HSP90AA1: variants seen among roughly 807,000 people sequenced by gnomAD.
HSP90AA1 encodes heat shock protein HSP 90-alpha.
In HSP90AA1, 18 loss-of-function variants were observed where a neutral mutation model predicts 73.3. That is an observed-to-expected ratio of 0.25 (90% confidence interval 0.17 to 0.36). The LOEUF (loss-of-function observed/expected upper bound fraction) is 0.36, where lower values mean the gene tolerates loss of function less well. Ranked by LOEUF, HSP90AA1 falls within the 10% of genes least tolerant of loss-of-function variation. The pLI, the probability that HSP90AA1 is intolerant of heterozygous loss-of-function variation, is 1.00. For missense variants in HSP90AA1, 704 were observed against 874.2 expected, an observed-to-expected ratio of 0.81 and a Z score of 2.45; for synonymous variants, 477 against 296.9, an observed-to-expected ratio of 1.61 and a Z score of -6.24.
chr14:102,085,484 G>A (rs1161208911), intron 3 of HSP90AA1, 53 bp from the exon 4 acceptor site: 10 of 1,508,894 alleles, frequency 6.6e-6, no homozygotes, highest in South Asian at 1.1e-5. Flanking sequence ...AGTGCTCAAC[G>A]CCATGCCTAA....
Position 102,084,396 on chromosome 14 carries a change from T to C in HSP90AA1, c.1147+3A>G, listed in dbSNP as rs118043158. The C allele has an allele frequency of 2.4e-3, 3,833 of 1,611,144 alleles. 5 individuals carry two copies. Among genetic ancestry groups the C allele is most frequent in the Non-Finnish European group, 2.9e-3 (3,441 of 1,177,258 alleles). Reference sequence around the variant, plus strand: ...AGTGATTATTTTTCCTATCTATACTTACTCAGATATTCAGGGATTAGCTCC... The same window carrying C: ...AGTGATTATTTTTCCTATCTATACTCACTCAGATATTCAGGGATTAGCTCC... On this transcript the variant is annotated splice_donor_region_variant and intron_variant, in intron 6 of 10. Coordinates refer to ENST00000216281, the MANE Select transcript of HSP90AA1 (RefSeq NM_005348.4).
At chr14:102,110,626 C>T (rs1053549784) in intron 1 of HSP90AA1, among the ~76,000 whole-genome samples, 3 of 150,636 alleles carry the variant, frequency 2.0e-5, no homozygotes, top group Admixed American at 2.0e-4. Flanking sequence ...GTGGCCCAGG[C>T]TGGGGTGCAG....
intron 3 of HSP90AA1, 94 bp downstream of exon 3, chr14:102,085,664 A>G (rs2049212620): frequency 6.3e-7 from 1 of 1,575,450 alleles, no homozygotes; most frequent in Non-Finnish European, 8.7e-7. Flanking sequence ...GCAAACACAA[A>G]TTCTGTAAGC....
chr14:102,113,749 C>T (rs1296898983), intron 1 of HSP90AA1, among the ~76,000 whole-genome samples: 5 of 151,620 alleles, frequency 3.3e-5, no homozygotes, highest in Non-Finnish European at 5.9e-5. Context: ...CTCGCTCTGT[C>T]GCCCAGGCTG....
intron 5 of HSP90AA1, 31 bp downstream of exon 5, chr14:102,084,650 G>A (rs2152611425): frequency 1.9e-6 from 3 of 1,614,022 alleles, no homozygotes; most frequent in Non-Finnish European, 1.7e-6. Flanking sequence ...ATAATCTAAG[G>A]ACAAGCTTGA....
At chr14:102,128,858 A>G (rs2049870254) in intron 1 of HSP90AA1, among the ~76,000 whole-genome samples, 3 of 152,152 alleles carry the variant, frequency 2.0e-5, no homozygotes, top group Non-Finnish European at 4.4e-5. Flanking sequence ...TAGAAGAATA[A>G]GAATGGGTTC....
intron 1 of HSP90AA1, among the ~76,000 whole-genome samples, chr14:102,106,488 G>A (rs2049569025): frequency 6.6e-6 from 1 of 151,544 alleles, no homozygotes; most frequent in African/African-American, 2.4e-5. Flanking sequence ...TGAAAAGAGG[G>A]AAGTAGTAAT....
At chr14:102,082,776 C>A in intron 9 of HSP90AA1, 1 of 508,496 alleles carries the variant, frequency 2.0e-6, no homozygotes, top group Non-Finnish European at 3.5e-6. Context: ...CGTGCCACCA[C>A]GCCTGGTTTA....
At chr14:102,107,618 T>C (rs1284307756) in intron 1 of HSP90AA1, among the ~76,000 whole-genome samples, 3 of 152,074 alleles carry the variant, frequency 2.0e-5, no homozygotes, top group Non-Finnish European at 2.9e-5. Context: ...CCACCACTCC[T>C]AGCCTAGCCC....
chr14:102,085,462 T>TAAC (rs72520877), intron 3 of HSP90AA1, 31 bp from the exon 4 acceptor site: 18 of 1,599,030 alleles, frequency 1.1e-5, no homozygotes, highest in Middle Eastern at 1.7e-4. Flanking sequence ...ATTGACTTAA[T>TAAC]ACATTCAATT....
intron 1 of HSP90AA1, 105 bp from the exon 2 acceptor site, chr14:102,086,483 G>T: frequency 1.5e-6 from 2 of 1,359,082 alleles, no homozygotes; most frequent in Non-Finnish European, 2.1e-6. Flanking sequence ...TTGGAGATTT[G>T]CGAAGTTTAA....
chr14:102,084,190 C>T, intron 6 of HSP90AA1: 1 of 673,108 alleles, frequency 1.5e-6, no homozygotes, highest in Non-Finnish European at 2.6e-6. Flanking sequence ...TTTCATGCCT[C>T]AGCCTGCCAC....
chr14:102,129,133 A>ATTT (rs71116884), intron 1 of HSP90AA1, among the ~76,000 whole-genome samples: 5 of 94,394 alleles, frequency 5.3e-5, no homozygotes, highest in African/African-American at 1.1e-4. Context: ...TCTAGTTTTG[A>ATTT]TTTTTTTTTT....
At chr14:102,125,114 C>A (rs1468470279) in intron 1 of HSP90AA1, among the ~76,000 whole-genome samples, 1 of 152,148 alleles carries the variant, frequency 6.6e-6, no homozygotes, top group African/African-American at 2.4e-5. Flanking sequence ...ATCTCAGCCT[C>A]CCAAGTAGCT....
intron 2 of HSP90AA1, among the ~76,000 whole-genome samples, chr14:102,092,251 A>G (rs7156564): frequency 0.69 from 104,985 of 151,294 alleles, 39,871 homozygotes; most frequent in South Asian, 0.84. Flanking sequence ...TTGTATTTTT[A>G]GTAGAGATGG....
intron 1 of HSP90AA1, among the ~76,000 whole-genome samples, chr14:102,123,381 C>T (rs1347167767): frequency 6.6e-6 from 1 of 151,862 alleles, no homozygotes; most frequent in Non-Finnish European, 1.5e-5. Context: ...GAGCGAGACT[C>T]GGTCTAAAAA....
chr14:102,081,552 A>G lies in HSP90AA1; in HGVS notation c.*160T>C. 5 of 642,108 alleles carry G rather than the reference A, an allele frequency of 7.8e-6. No individual in the cohort carries two copies. The highest frequency in any genetic ancestry group is 1.4e-5 in the Non-Finnish European group (5 of 358,058). 39.8% of individuals were successfully genotyped at this position (642,108 alleles called of 1,614,324 possible). On this transcript the variant is annotated 3_prime_UTR_variant, in exon 11 of 11. Coordinates refer to ENST00000216281, the MANE Select transcript of HSP90AA1 (RefSeq NM_005348.4). Reference sequence around the variant, plus strand: ...TCTGCTTTAGTGCCTAAGGTATCACAGCATCACTTAGTAGACAGAAATCTT... The same window carrying G: ...TCTGCTTTAGTGCCTAAGGTATCACGGCATCACTTAGTAGACAGAAATCTT...
chr14:102,139,299 G>T lies in HSP90AA1; in HGVS notation c.106C>A (p.Pro36Thr), dbSNP rs755041449. ...GCTTCAGAGGGGCTTCCTGGGCGGG[G>T]ATCCAGACGGTCGCGCGGGTATTCA... Residue 36 changes from proline to threonine, a missense_variant, in exon 1 of 12, where the codon CCC (proline) becomes ACC (threonine). Coordinates refer to the HSP90AA1 transcript ENST00000334701. 1.9e-6 allele frequency: 3 copies of T among 1,613,888 alleles called. No homozygotes were observed. The South Asian group carries it at 3.3e-5, about 18-fold the overall frequency.
At chr14:102,090,269 C>G (rs2049336562), upstream of HSP90AA1, among the ~76,000 whole-genome samples, 1 of 152,174 alleles carries the variant, frequency 6.6e-6, no homozygotes, top group South Asian at 2.1e-4. Context: ...GGAACCCCAC[C>G]TGCCTCCCAC....
Sources: allele counts gnomAD v4.1 joint callset (sites outside exome capture counted in the v4.1 genomes callset), GRCh38; gene constraint gnomAD v4.1.1; transcripts MANE v1.5; gene names NCBI Gene and HGNC (gene_info 2026-07-23, HGNC 2026-07-21).